The following AFAP1 variants were observed in gnomAD, a reference collection of about 807,000 sequenced individuals.
AFAP1 encodes actin filament-associated protein 1.
A neutral mutation model predicts 93.9 loss-of-function variants in AFAP1; 75 were observed. The observed-to-expected ratio is 0.80, with a 90% CI of 0.66 to 0.97. AFAP1 has a LOEUF of 0.97. AFAP1 is among the 50% of genes least tolerant of loss of function. AFAP1 has a pLI of 0.00. For missense variants in AFAP1, 1,201 were observed against 1,050.8 expected, an observed-to-expected ratio of 1.14 and a Z score of -1.98; for synonymous variants, 517 against 430.7, an observed-to-expected ratio of 1.20 and a Z score of -2.48.
intron 1 of AFAP1, among the ~76,000 whole-genome samples, chr4:7,879,482 C>G (rs922692977): frequency 6.6e-6 from 1 of 152,104 alleles, no homozygotes; most frequent in Non-Finnish European, 1.5e-5. Context: ...AGACTGGCAT[C>G]AAGGACACAG....
intron 1 of AFAP1, among the ~76,000 whole-genome samples, chr4:7,910,614 C>T (rs578252156): frequency 7.9e-5 from 12 of 152,284 alleles, no homozygotes; most frequent in African/African-American, 2.9e-4. Flanking sequence ...GAGTAACAGA[C>T]CAAAAGAAGA....
chr4:7,875,313 T>A (rs112585437), intron 1 of AFAP1, among the ~76,000 whole-genome samples: 3,125 of 152,262 alleles, frequency 0.021, 110 homozygotes, highest in African/African-American at 0.071. Flanking sequence ...GTAAATGAGC[T>A]TAAGTAGGTG....
chr4:7,786,175 C>G lies in AFAP1; in HGVS notation c.1530+19G>C. 1 of 1,606,678 alleles carries G rather than the reference C, an allele frequency of 6.2e-7. No individual in the cohort carries two copies. The highest frequency in any genetic ancestry group is 8.5e-7 in the Non-Finnish European group (1 of 1,173,998). Reference sequence around the variant, plus strand: ...GCCTCTAACAAAACCAACCATTACTCCAAAAAAAGGGCACTCACCGAGCCG... The same window carrying G: ...GCCTCTAACAAAACCAACCATTACTGCAAAAAAAGGGCACTCACCGAGCCG... On this transcript the variant is annotated intron_variant, in intron 12 of 17. Transcript: ENST00000420658.
intron 3 of AFAP1, among the ~76,000 whole-genome samples, chr4:7,862,730 T>C (rs6816389): frequency 0.31 from 47,011 of 152,070 alleles, 8,956 homozygotes; most frequent in Non-Finnish European, 0.44. Flanking sequence ...CCTTGAAACA[T>C]GATATAACCT....
chr4:7,811,926 A>C (rs1333538180), intron 8 of AFAP1, among the ~76,000 whole-genome samples: 2 of 152,048 alleles, frequency 1.3e-5, no homozygotes, highest in African/African-American at 4.8e-5. Context: ...AGAAACAAAG[A>C]ACCCAGGAAT....
At chr4:7,912,198 C>T (rs1475965981) in intron 1 of AFAP1, among the ~76,000 whole-genome samples, 1 of 152,220 alleles carries the variant, frequency 6.6e-6, no homozygotes, top group African/African-American at 2.4e-5. Flanking sequence ...AACCATTCAC[C>T]TGCTGAGTGG....
intron 3 of AFAP1, among the ~76,000 whole-genome samples, chr4:7,856,531 C>T (rs1715097779): frequency 6.6e-6 from 1 of 152,296 alleles, no homozygotes; most frequent in Non-Finnish European, 1.5e-5. Flanking sequence ...TCAGCCACCG[C>T]ACCTGGCCCA....
rs539056013 is a variant in AFAP1 at position 7,760,765 on chromosome 4, C to G, written c.*3000G>C. 1 of 152,268 alleles carries G rather than the reference C, an allele frequency of 6.6e-6. No homozygotes were observed. Among genetic ancestry groups the G allele is most frequent in the East Asian group, 1.9e-4 (1 of 5,200 alleles). 9.4% of individuals were successfully genotyped at this position (152,268 alleles called of 1,614,324 possible). ...AGCCCTGAAGAGTGACACTGTGGCTCAAGGTTAGAATGGAAGGAGCCCTGA... is the reference window on the plus strand; with the variant it reads ...AGCCCTGAAGAGTGACACTGTGGCTGAAGGTTAGAATGGAAGGAGCCCTGA... On this transcript the variant is annotated 3_prime_UTR_variant, in exon 18 of 18. Transcript: ENST00000420658.
rs142403023 is a variant in AFAP1, at chr4:7,906,472, G to A, written c.-3+33184C>T. On this transcript the variant is annotated intron_variant, in intron 1 of 17. Transcript: ENST00000420658. The stretch of plus-strand genomic sequence containing the variant: ...CAGCATTTTCCACCCCCCTATTCCG[G>A]AGAAAAATAGTGAGTCCAGCCAATG... 3.0e-3 allele frequency among the ~76,000 whole-genome samples: 453 copies of A among 152,284 alleles called. 1 individual carries two copies. Among genetic ancestry groups the A allele is most frequent in the African/African-American group, 0.01 (427 of 41,560 alleles).
chr4:7,773,078 C>G, intron 15 of AFAP1, 68 bp from the exon 16 acceptor site: 1 of 1,522,574 alleles, frequency 6.6e-7, no homozygotes, highest in Non-Finnish European at 8.8e-7. Context: ...GAGAAGGCAC[C>G]TGGTCCCCAA....
chr4:7,772,125 G>GCACCCACGGT (rs1339145238), intron 16 of AFAP1: 2 of 152,238 alleles, frequency 1.3e-5, no homozygotes, highest in Non-Finnish European at 2.9e-5. Context: ...GGACCCAGGG[G>GCACCCACGGT]CACCCACGGT....
At chr4:7,869,213 G>A (rs1251414886) in intron 2 of AFAP1, among the ~76,000 whole-genome samples, 1 of 151,714 alleles carries the variant, frequency 6.6e-6, no homozygotes, top group African/African-American at 2.4e-5. Flanking sequence ...AGGGAGGGAT[G>A]GATGGAGGGA....
chr4:7,768,890 G>A lies in AFAP1; in HGVS notation c.2372C>T (p.Ala791Val). The change falls in exon 17 of 18, where the codon GCC (alanine) becomes GTC (valine). Residue 791 changes from alanine to valine, a missense_variant. Ala to Val is a moderately conservative substitution (Grantham distance 64, BLOSUM62 0). Coordinates refer to ENST00000420658, the MANE Select transcript of AFAP1 (RefSeq NM_001134647.2). Reference sequence around the variant, plus strand: ...CCCTCGGCAGGGGGAGCTGCCCGGGGCAGCCTGGCTCTTCTTCAAGACGGC... The same window carrying A: ...CCCTCGGCAGGGGGAGCTGCCCGGGACAGCCTGGCTCTTCTTCAAGACGGC... The part of the protein sequence containing the change: ...SAAVLKKSQA[A>V]PGSSPCRGHV... 2.5e-6 allele frequency: 4 copies of A among 1,610,958 alleles called. No homozygotes were observed. The highest frequency in any genetic ancestry group is 3.4e-6 in the Non-Finnish European group (4 of 1,177,756).
chr4:7,827,143 C>T (rs903511175), intron 6 of AFAP1, among the ~76,000 whole-genome samples: 3 of 152,004 alleles, frequency 2.0e-5, no homozygotes, highest in Non-Finnish European at 2.9e-5. Flanking sequence ...GAAGAGGACC[C>T]GTAAGCCCGA....
chr4:7,874,699 A>T (rs866382433), intron 1 of AFAP1, among the ~76,000 whole-genome samples: 37 of 151,194 alleles, frequency 2.4e-4, no homozygotes, highest in African/African-American at 7.1e-4. Flanking sequence ...TTCTTCACAT[A>T]CTTCCACCAT....
intron 1 of AFAP1, among the ~76,000 whole-genome samples, chr4:7,883,315 C>G (rs1230021386): frequency 6.6e-6 from 1 of 150,958 alleles, no homozygotes; most frequent in Non-Finnish European, 1.5e-5. Context: ...AAGCCTTCAA[C>G]AAAATTTAAT....
intron 3 of AFAP1, among the ~76,000 whole-genome samples, chr4:7,868,293 C>T (rs571410088): frequency 6.6e-6 from 1 of 152,270 alleles, no homozygotes; most frequent in South Asian, 2.1e-4. Flanking sequence ...TCTACAGATA[C>T]TTTTGTCTGC....
intron 1 of AFAP1, among the ~76,000 whole-genome samples, chr4:7,873,493 C>T (rs1192690283): frequency 4.8e-4 from 73 of 150,718 alleles, no homozygotes; most frequent in African/African-American, 1.6e-3. Context: ...GGACTACAGG[C>T]GCCCGCCACC....
chr4:7,938,972 A>T (rs969754129), intron 1 of AFAP1: 1 of 152,138 alleles, frequency 6.6e-6, no homozygotes, highest in African/African-American at 2.4e-5. Context: ...TGAGAGGATA[A>T]ATCACGGGGC....
Sources: allele counts gnomAD v4.1 joint callset (sites outside exome capture counted in the v4.1 genomes callset), GRCh38; gene constraint gnomAD v4.1.1; transcripts MANE v1.5; gene names NCBI Gene and HGNC (gene_info 2026-07-23, HGNC 2026-07-21).